Variants in DNAAF4 observed in about 807,000 individuals in gnomAD.
DNAAF4 encodes dynein axonemal assembly factor 4.
Under a neutral mutation model 51.8 loss-of-function variants are expected in DNAAF4, and 43 were observed. The ratio of observed to expected loss-of-function variants is 0.83; its 90% CI spans 0.65 to 1.07. DNAAF4 has a LOEUF of 1.07. Among genes scored for constraint, DNAAF4 ranks in the 50% least tolerant of loss-of-function variants. The probability of loss-of-function intolerance (pLI) is 0.00; values close to 1 mark genes in which losing one functional copy is unlikely to be tolerated. For synonymous variants in DNAAF4, 194 were observed against 165.6 expected (o/e 1.17, Z -1.32); for missense variants, 581 against 493.0 (o/e 1.18, Z -1.69).
chr15:55,433,939 A>ATTATAATATATATTT (rs1555413845), intron 8 of DNAAF4, among the ~76,000 whole-genome samples: 4 of 5,506 alleles, frequency 7.3e-4, no homozygotes, highest in Non-Finnish European at 8.4e-4. Context: ...TATATAAAAT[A>ATTATAATATATATTT]TATATAATAT....
chr15:55,500,373 A>T (rs185658994), intron 1 of DNAAF4, among the ~76,000 whole-genome samples: 2 of 152,096 alleles, frequency 1.3e-5, no homozygotes, highest in African/African-American at 2.4e-5. Context: ...TTTTAAAAAA[A>T]TTTCTTTTGT....
chr15:55,434,783 AAGAC>A, intron 8 of DNAAF4, 118 bp downstream of exon 8: 11 of 953,912 alleles, frequency 1.2e-5, no homozygotes, highest in Non-Finnish European at 1.6e-5. Context: ...TTCAATAAGA[AAGAC>A]AATCTTTAAA....
At chr15:55,418,947 T>C (rs1249037651) in intron 7 of DNAAF4, among the ~76,000 whole-genome samples, 2 of 110,482 alleles carry the variant, frequency 1.8e-5, no homozygotes, top group Non-Finnish European at 1.9e-5. Context: ...TTGAGTGAGT[T>C]GGAGTCTCGC....
At chr15:55,458,638 C>T (rs997966627) in intron 5 of DNAAF4, among the ~76,000 whole-genome samples, 7 of 152,184 alleles carry the variant, frequency 4.6e-5, no homozygotes, top group African/African-American at 1.7e-4. Context: ...TCAAGAAAAA[C>T]TTCCATGGTC....
downstream of DNAAF4, among the ~76,000 whole-genome samples, chr15:55,428,638 G>C (rs2057455952): frequency 6.6e-6 from 1 of 151,094 alleles, no homozygotes; most frequent in African/African-American, 2.4e-5. Flanking sequence ...GGGACTACAG[G>C]CGCCTGCCAC....
At chr15:55,467,354 A>C (rs752837475) in intron 4 of DNAAF4, among the ~76,000 whole-genome samples, 193 bp from the exon 5 acceptor site, 6 of 152,144 alleles carry the variant, frequency 3.9e-5, no homozygotes, top group Non-Finnish European at 7.4e-5. Flanking sequence ...TTGGTGTTGG[A>C]GTCATGGAAC....
At chr15:55,450,810 T>C (rs1240141354) in intron 5 of DNAAF4, among the ~76,000 whole-genome samples, 1 of 152,084 alleles carries the variant, frequency 6.6e-6, no homozygotes, top group Non-Finnish European at 1.5e-5. Flanking sequence ...TAATGAGAAC[T>C]GGCAAGGACG....
chr15:55,504,300 T>C (rs1248566874), intron 1 of DNAAF4, among the ~76,000 whole-genome samples: 1 of 152,224 alleles, frequency 6.6e-6, no homozygotes, highest in African/African-American at 2.4e-5. Context: ...GACCATTCCA[T>C]GCTCATGGAT....
chr15:55,467,544 TAC>T (rs59329424), intron 4 of DNAAF4, among the ~76,000 whole-genome samples: 59,924 of 150,102 alleles, frequency 0.4, 12,041 homozygotes, highest in Non-Finnish European at 0.43. Flanking sequence ...TCTCAAAATC[TAC>T]ACACACACAC....
intron 5 of DNAAF4, among the ~76,000 whole-genome samples, chr15:55,465,669 C>T (rs551646537): frequency 1.1e-3 from 162 of 151,282 alleles, no homozygotes; most frequent in African/African-American, 3.6e-3. Context: ...CAGGTTCAAG[C>T]GATTCTCCTG....
intron 6 of DNAAF4, among the ~76,000 whole-genome samples, chr15:55,447,829 CAGAGGGG>C (rs1308037386): frequency 3.0e-4 from 11 of 36,916 alleles, no homozygotes; most frequent in East Asian, 5.7e-4. Flanking sequence ...GGGGAGAGGG[CAGAGGGG>C]AGAGGGGAGA....
At position 55,434,325 on chromosome 15, in the gene DNAAF4, A is replaced by G. The variant is rs2057573626; in HGVS notation, c.1047+580T>C. 2.0e-5 allele frequency among the ~76,000 whole-genome samples: 3 copies of G among 151,872 alleles called. No individual in the cohort carries two copies. The Admixed American group carries it at 2.0e-4, about 10-fold the overall frequency. ...AAAACTGGATCATAAAAGTAGTATG[A>G]TATCAAAGTGATGAAGACTTGGTTG... On this transcript the variant is annotated intron_variant, in intron 8 of 9. Transcript: ENST00000321149.
chr15:55,435,471 C>T (rs891745225), intron 7 of DNAAF4, among the ~76,000 whole-genome samples: 3 of 151,988 alleles, frequency 2.0e-5, no homozygotes, highest in Admixed American at 6.6e-5. Context: ...TGTTGCTGAC[C>T]GTTTTTAAGA....
At chr15:55,422,349 T>G (rs183752243) in intron 7 of DNAAF4, among the ~76,000 whole-genome samples, 1 of 152,266 alleles carries the variant, frequency 6.6e-6, no homozygotes, top group Non-Finnish European at 1.5e-5. Flanking sequence ...AATATACAAC[T>G]TGAATTCAAG....
chr15:55,434,098 C>T (rs1464894413), intron 8 of DNAAF4, among the ~76,000 whole-genome samples: 1 of 125,896 alleles, frequency 7.9e-6, no homozygotes, highest in Non-Finnish European at 1.6e-5. Flanking sequence ...TGTTGAACAA[C>T]TTAAGGAATT....
intron 6 of DNAAF4, among the ~76,000 whole-genome samples, chr15:55,449,685 C>T (rs924566403): frequency 7.6e-5 from 9 of 117,654 alleles, no homozygotes; most frequent in Non-Finnish European, 1.5e-4. Context: ...ACAACAACAA[C>T]AAAAAGACCG....
At chr15:55,459,690 TTTTCTTTCTTTC>T (rs778771109) in intron 5 of DNAAF4, among the ~76,000 whole-genome samples, 1 of 149,752 alleles carries the variant, frequency 6.7e-6, no homozygotes, top group East Asian at 1.9e-4. Context: ...AGCTATTCTT[TTTTCTTTCTTTC>T]TTTCTTTCTT....
chr15:55,467,846 T>A (rs1310420894), intron 4 of DNAAF4, among the ~76,000 whole-genome samples: 2 of 152,192 alleles, frequency 1.3e-5, no homozygotes, highest in Non-Finnish European at 2.9e-5. Context: ...TACAGGTGTG[T>A]GGCAACTTTT....
At position 55,435,070 on chromosome 15, in the gene DNAAF4, A is replaced by C. The variant is rs966055903; in HGVS notation, c.894-12T>G. 9.5e-6 allele frequency: 15 copies of C among 1,571,448 alleles called. No individual in the cohort carries two copies. Among genetic ancestry groups the C allele is most frequent in the African/African-American group, 1.4e-5 (1 of 72,326 alleles). On this transcript the variant is annotated splice_polypyrimidine_tract_variant and intron_variant, in intron 7 of 9. Transcript: ENST00000321149. ...TTGCAAACAATTTGCTAATGAGACAAAAACAGAGAAGAAAAACAATTTAAC... is the reference window on the plus strand; with the variant it reads ...TTGCAAACAATTTGCTAATGAGACACAAACAGAGAAGAAAAACAATTTAAC...
Sources: allele counts gnomAD v4.1 joint callset (sites outside exome capture counted in the v4.1 genomes callset), GRCh38; gene constraint gnomAD v4.1.1; transcripts MANE v1.5; gene names NCBI Gene and HGNC (gene_info 2026-07-23, HGNC 2026-07-21).